The following ASH1L variants were observed in gnomAD, a reference collection of about 807,000 sequenced individuals.
ASH1L encodes ASH1 like histone lysine methyltransferase.
ASH1L carries 23 observed loss-of-function variants against 269.0 expected under a neutral mutation model. The ratio of observed to expected loss-of-function variants is 0.09; its 90% CI spans 0.06 to 0.12. The LOEUF (loss-of-function observed/expected upper bound fraction) is 0.12, where lower values mean the gene tolerates loss of function less well. Ranked by LOEUF, ASH1L falls within the 10% of genes least tolerant of loss-of-function variation. The pLI is 1.00. For missense variants in ASH1L, 2,912 were observed against 3,567.8 expected, an observed-to-expected ratio of 0.82 and a Z score of 4.68; for synonymous variants, 1,187 against 1,253.5, an observed-to-expected ratio of 0.95 and a Z score of 1.12.
chr1:155,517,386 T>C (rs1442346798), intron 2 of ASH1L, among the ~76,000 whole-genome samples: 1 of 152,090 alleles, frequency 6.6e-6, no homozygotes, highest in Non-Finnish European at 1.5e-5. Flanking sequence ...CCCAGCATTA[T>C]GGGAGGCCGA....
At chr1:155,475,212 C>A (rs1466313227) in intron 3 of ASH1L, among the ~76,000 whole-genome samples, 1 of 152,118 alleles carries the variant, frequency 6.6e-6, no homozygotes, top group Non-Finnish European at 1.5e-5. Flanking sequence ...TCTGGGCTCA[C>A]TGCAATCTCC....
intron 2 of ASH1L, among the ~76,000 whole-genome samples, chr1:155,488,460 C>T (rs1666479963): frequency 7.0e-6 from 1 of 143,840 alleles, no homozygotes; most frequent in South Asian, 2.3e-4. Flanking sequence ...GAGAGTGAGA[C>T]CATCCTGGCC....
chr1:155,439,197 A>C (rs1400348307), intron 4 of ASH1L, 129 bp from the exon 5 acceptor site: 3 of 1,004,618 alleles, frequency 3.0e-6, no homozygotes, highest in Non-Finnish European at 4.1e-6. Context: ...AGGTAAATTG[A>C]TGGTTTACTT....
intron 5 of ASH1L, among the ~76,000 whole-genome samples, chr1:155,426,773 T>G (rs1661192467): frequency 6.6e-6 from 1 of 152,212 alleles, no homozygotes; most frequent in Non-Finnish European, 1.5e-5. Context: ...AATTAAAAAC[T>G]AAAAAATTTT....
chr1:155,545,080 G>A (rs1670700725), intron 1 of ASH1L, among the ~76,000 whole-genome samples: 2 of 142,454 alleles, frequency 1.4e-5, no homozygotes, highest in South Asian at 2.3e-4. Context: ...GCTGAGGCAG[G>A]AGAATCGCTT....
At chr1:155,498,545 G>A (rs1029017146) in intron 2 of ASH1L, among the ~76,000 whole-genome samples, 1 of 151,832 alleles carries the variant, frequency 6.6e-6, no homozygotes, top group African/African-American at 2.4e-5. Flanking sequence ...GGGTTCAAGC[G>A]ATTCTCCTCC....
intron 3 of ASH1L, 76 bp downstream of exon 3, chr1:155,477,810 A>G (rs1368695742): frequency 7.2e-7 from 1 of 1,391,286 alleles, no homozygotes; most frequent in Non-Finnish European, 9.6e-7. Flanking sequence ...TTAAAAGTTC[A>G]TCTACATTTA....
At chr1:155,422,295 C>A (rs1386212405) in intron 5 of ASH1L, among the ~76,000 whole-genome samples, 1 of 148,212 alleles carries the variant, frequency 6.7e-6, no homozygotes, top group Non-Finnish European at 1.5e-5. Context: ...CACCACCACG[C>A]CCAGCTAATT....
At position 155,470,950 on chromosome 1, in the gene ASH1L, C is replaced by T. The variant is rs1240988371; in HGVS notation, c.4984+6936G>A. Among the ~76,000 whole-genome samples, 3 of 152,134 alleles carry T rather than the reference C, an allele frequency of 2.0e-5. No individual in the cohort carries two copies. The South Asian group carries it at 6.2e-4, about 32-fold the overall frequency. On this transcript the variant is annotated intron_variant, in intron 3 of 27. Transcript: ENST00000392403. ...TACATAAAATACTCCTAAACAAAAC[C>T]AGTTCTGACTTTCAAAGGGATCAAA...
intron 6 of ASH1L, among the ~76,000 whole-genome samples, chr1:155,400,687 T>C (rs1033336989): frequency 6.6e-6 from 1 of 152,186 alleles, no homozygotes; most frequent in African/African-American, 2.4e-5. Flanking sequence ...TTTTCATAAA[T>C]TACCTTCCTA....
At chr1:155,356,689 C>T (rs964286739) in intron 15 of ASH1L, among the ~76,000 whole-genome samples, 1 of 151,514 alleles carries the variant, frequency 6.6e-6, no homozygotes, top group Non-Finnish European at 1.5e-5. Context: ...TCCATGTTGC[C>T]GAAGATGGTC....
At chr1:155,380,636 CT>C (rs1246850320) in intron 7 of ASH1L, among the ~76,000 whole-genome samples, 60 of 144,144 alleles carry the variant, frequency 4.2e-4, no homozygotes, top group Admixed American at 5.6e-4. Context: ...GAATGAAATT[CT>C]TTTTTTTTTT....
At chr1:155,515,859 A>G in intron 2 of ASH1L, among the ~76,000 whole-genome samples, 1 of 150,502 alleles carries the variant, frequency 6.6e-6, no homozygotes, top group African/African-American at 2.4e-5. Flanking sequence ...AAAAAAATGC[A>G]TGGCCCAAAA....
intron 12 of ASH1L, among the ~76,000 whole-genome samples, chr1:155,363,616 T>G (rs568221629): frequency 6.6e-6 from 1 of 152,256 alleles, no homozygotes; most frequent in Admixed American, 6.5e-5. Flanking sequence ...TCTTTGTGAA[T>G]AGTTTTATAG....
At chr1:155,473,370 T>C (rs1665257663) in intron 3 of ASH1L, among the ~76,000 whole-genome samples, 1 of 152,218 alleles carries the variant, frequency 6.6e-6, no homozygotes, top group Non-Finnish European at 1.5e-5. Context: ...ATTGCTACAT[T>C]TATCTACCAA....
chr1:155,418,885 C>T (rs930217130), intron 5 of ASH1L, among the ~76,000 whole-genome samples: 12 of 151,844 alleles, frequency 7.9e-5, no homozygotes, highest in East Asian at 7.7e-4. Flanking sequence ...CTGGCTAACA[C>T]GGCGAAACCC....
chr1:155,457,543 T>C (rs1481349205), intron 4 of ASH1L, among the ~76,000 whole-genome samples: 2 of 152,252 alleles, frequency 1.3e-5, no homozygotes, highest in Non-Finnish European at 1.5e-5. Context: ...GTAGTGTGCG[T>C]GACTTATTCA....
At chr1:155,344,898 C>T (rs1445428455) in intron 21 of ASH1L, among the ~76,000 whole-genome samples, 1 of 152,078 alleles carries the variant, frequency 6.6e-6, no homozygotes, top group African/African-American at 2.4e-5. Context: ...TTAAGGGTAC[C>T]AAGTTCTGGA....
chr1:155,399,311 T>G (rs561880396), intron 6 of ASH1L, among the ~76,000 whole-genome samples: 1 of 152,184 alleles, frequency 6.6e-6, no homozygotes, highest in Non-Finnish European at 1.5e-5. Context: ...TGTATGTAGA[T>G]ATCTAGATTA....
Sources: allele counts gnomAD v4.1 joint callset (sites outside exome capture counted in the v4.1 genomes callset), GRCh38; gene constraint gnomAD v4.1.1; transcripts MANE v1.5; gene names NCBI Gene and HGNC (gene_info 2026-07-23, HGNC 2026-07-21).